RASSF3: variants seen among roughly 807,000 people sequenced by gnomAD.
RASSF3 encodes Ras association domain family member 3.
A neutral mutation model predicts 19.9 loss-of-function variants in RASSF3; 19 were observed. The observed-to-expected ratio is 0.96, with a 90% CI of 0.67 to 1.40. The LOEUF is 1.40. Ranked by LOEUF, RASSF3 falls within the 40% of genes most tolerant of loss-of-function variation. The pLI is 0.00. For synonymous variants in RASSF3, 110 were observed against 104.2 expected (o/e 1.06, Z -0.34); for missense variants, 306 against 289.8 (o/e 1.06, Z -0.41).
At chr12:64,553,218 T>A (rs1869195647) in intron 2 of RASSF3, among the ~76,000 whole-genome samples, 1 of 152,232 alleles carries the variant, frequency 6.6e-6, no homozygotes, top group African/African-American at 2.4e-5. Flanking sequence ...TGTTAGCTTT[T>A]CCTTTTCGGT....
chr12:64,682,424 G>A (rs11175513), intron 1 of RASSF3, among the ~76,000 whole-genome samples: 161 of 152,110 alleles, frequency 1.1e-3, no homozygotes, highest in African/African-American at 3.7e-3. Context: ...ACAATTAGCC[G>A]GGCGTGGTGG....
chr12:64,550,201 CAAA>C (rs756572447), intron 2 of RASSF3, among the ~76,000 whole-genome samples: 15 of 150,846 alleles, frequency 9.9e-5, no homozygotes, highest in Non-Finnish European at 1.0e-4. Flanking sequence ...ACTAAGGAAA[CAAA>C]GAAGAATGCG....
At chr12:64,574,300 G>C (rs192049101) in intron 2 of RASSF3, among the ~76,000 whole-genome samples, 3 of 147,312 alleles carry the variant, frequency 2.0e-5, no homozygotes, top group South Asian at 2.1e-4. Flanking sequence ...GACAGAGCGA[G>C]ACTCTGTCTT....
chr12:64,670,897 C>T (rs1872681779), intron 1 of RASSF3, among the ~76,000 whole-genome samples: 2 of 152,218 alleles, frequency 1.3e-5, no homozygotes, highest in South Asian at 4.1e-4. Context: ...CGGGTAGGAA[C>T]CTCACCTAGC....
At chr12:64,536,669 C>T (rs1868833864) in intron 1 of RASSF3, among the ~76,000 whole-genome samples, 1 of 152,178 alleles carries the variant, frequency 6.6e-6, no homozygotes, top group African/African-American at 2.4e-5. Context: ...AATCATATAT[C>T]CCATTCTATT....
In RASSF3 at chr12:64,676,620, C is replaced by T. The variant is rs182610197; in HGVS notation, c.112-8167C>T. Reference sequence around the variant, plus strand: ...ACAAGTAGCTAGGATTACAGGCTCACGTCACCACACCTGGCTAATTTTGTA... The same window carrying T: ...ACAAGTAGCTAGGATTACAGGCTCATGTCACCACACCTGGCTAATTTTGTA... On this transcript the variant is annotated intron_variant, in intron 1 of 4. Coordinates refer to ENST00000542104, the MANE Select transcript of RASSF3 (RefSeq NM_178169.4). Among the ~76,000 whole-genome samples, 16 of 151,724 alleles carry T rather than the reference C, an allele frequency of 1.1e-4. No individual in the cohort carries two copies. The East Asian group carries it at 1.5e-3, about 15-fold the overall frequency.
At chr12:64,648,628 A>G (rs1367453779) in intron 1 of RASSF3, among the ~76,000 whole-genome samples, 4 of 151,520 alleles carry the variant, frequency 2.6e-5, no homozygotes, top group Admixed American at 6.6e-5. Flanking sequence ...GACTACAGGC[A>G]TGCGCCACAA....
rs1157627136 is a variant in RASSF3, at chr12:64,642,318, G to T, written c.111+31575G>T. ...CTCATGCCTGTAATCCCAGCACTTTGGGAGGCCGAGGCAGGCAGATCACCT... is the reference window on the plus strand; with the variant it reads ...CTCATGCCTGTAATCCCAGCACTTTTGGAGGCCGAGGCAGGCAGATCACCT... On this transcript the variant is annotated intron_variant, in intron 1 of 4. Coordinates refer to ENST00000542104, the MANE Select transcript of RASSF3 (RefSeq NM_178169.4). Among the ~76,000 whole-genome samples the T allele has an allele frequency of 2.0e-5, 3 of 151,842 alleles. No homozygotes were observed. In the East Asian group the frequency reaches 5.8e-4, roughly 29 times the overall value.
intron 1 of RASSF3, among the ~76,000 whole-genome samples, chr12:64,663,668 G>A (rs934614052): frequency 6.6e-6 from 1 of 151,790 alleles, no homozygotes; most frequent in Admixed American, 6.6e-5. Context: ...ACCATGCCCG[G>A]CTAATTTTTG....
At chr12:64,681,162 C>T (rs1318519202) in intron 1 of RASSF3, among the ~76,000 whole-genome samples, 1 of 152,190 alleles carries the variant, frequency 6.6e-6, no homozygotes, top group Non-Finnish European at 1.5e-5. Flanking sequence ...TTTTCCTTCT[C>T]CTCATTCTTA....
chr12:64,541,737 C>A (rs938076989), downstream of RASSF3: 1 of 398,454 alleles, frequency 2.5e-6, no homozygotes, highest in Non-Finnish European at 4.4e-6. Flanking sequence ...GGACATCGTG[C>A]GTTTCGGTCA....
intron 1 of RASSF3, among the ~76,000 whole-genome samples, chr12:64,661,127 A>G (rs918641295): frequency 6.6e-6 from 1 of 152,212 alleles, no homozygotes; most frequent in Non-Finnish European, 1.5e-5. Context: ...TGGTAGCCGT[A>G]GCCGTGAGTA....
At chr12:64,566,898 GA>G (rs1245431690) in intron 2 of RASSF3, among the ~76,000 whole-genome samples, 1 of 152,162 alleles carries the variant, frequency 6.6e-6, no homozygotes, top group Non-Finnish European at 1.5e-5. Context: ...GGTGGGGACC[GA>G]GGGCAAAAAG....
intron 2 of RASSF3, among the ~76,000 whole-genome samples, chr12:64,587,051 CTT>C (rs747066386): frequency 4.5e-5 from 6 of 134,100 alleles, no homozygotes; most frequent in Non-Finnish European, 4.7e-5. Context: ...CCTCGCCTCA[CTT>C]TTTTTTTTTT....
chr12:64,585,580 C>A (rs868338156), intron 2 of RASSF3, among the ~76,000 whole-genome samples: 6 of 149,078 alleles, frequency 4.0e-5, no homozygotes, highest in African/African-American at 1.5e-4. Context: ...TACACTGTTA[C>A]TGCATTTTGC....
intron 1 of RASSF3, among the ~76,000 whole-genome samples, chr12:64,665,364 T>C (rs1022183115): frequency 2.6e-5 from 4 of 152,234 alleles, no homozygotes; most frequent in Non-Finnish European, 4.4e-5. Context: ...TTATTCACTT[T>C]TAATATTGAT....
intron 1 of RASSF3, among the ~76,000 whole-genome samples, chr12:64,516,898 C>T (rs982393192): frequency 2.0e-5 from 3 of 146,520 alleles, no homozygotes; most frequent in Non-Finnish European, 4.5e-5. Flanking sequence ...ACTCCGCAGG[C>T]GGAGGCAGGA....
At chr12:64,571,551 A>G (rs1332597470) in intron 2 of RASSF3, among the ~76,000 whole-genome samples, 1 of 152,170 alleles carries the variant, frequency 6.6e-6, no homozygotes, top group African/African-American at 2.4e-5. Flanking sequence ...CTTCCTGATC[A>G]TTCAGCATTC....
At chr12:64,619,747 C>T (rs1354249344) in intron 1 of RASSF3, among the ~76,000 whole-genome samples, 2 of 151,960 alleles carry the variant, frequency 1.3e-5, no homozygotes, top group African/African-American at 2.4e-5. Flanking sequence ...ATTGGGAGGC[C>T]AAGGCGGGCG....
Sources: allele counts gnomAD v4.1 joint callset (sites outside exome capture counted in the v4.1 genomes callset), GRCh38; gene constraint gnomAD v4.1.1; transcripts MANE v1.5; gene names NCBI Gene and HGNC (gene_info 2026-07-23, HGNC 2026-07-21).